The following PLXDC2 variants were observed in gnomAD, a reference collection of about 807,000 sequenced individuals.
The protein encoded by PLXDC2 is plexin domain containing 2.
PLXDC2 carries 40 observed loss-of-function variants against 68.9 expected under a neutral mutation model. The observed-to-expected ratio is 0.58, with a 90% CI of 0.45 to 0.76. The LOEUF (loss-of-function observed/expected upper bound fraction) is 0.76. PLXDC2 is among the 30% of genes least tolerant of loss of function. PLXDC2 has a pLI of 0.00. For missense variants in PLXDC2, 644 were observed against 661.9 expected (o/e 0.97, Z 0.30); for synonymous variants, 243 against 234.2 (o/e 1.04, Z -0.34).
chr10:20,052,722 C>CAAAAAAAAAAAA (rs59776582), intron 3 of PLXDC2, among the ~76,000 whole-genome samples: 2 of 92,800 alleles, frequency 2.2e-5, no homozygotes, highest in Non-Finnish European at 2.4e-5. Context: ...ACAAATTATG[C>CAAAAAAAAAAAA]AAAAAAAAAA....
At chr10:19,964,122 C>T (rs1834207783) in intron 1 of PLXDC2, among the ~76,000 whole-genome samples, 1 of 152,146 alleles carries the variant, frequency 6.6e-6, no homozygotes, top group South Asian at 2.1e-4. Context: ...AGAAAAAGCC[C>T]CTGATTTGTA....
intron 1 of PLXDC2, among the ~76,000 whole-genome samples, chr10:19,887,000 GTAT>G (rs1837858853): frequency 6.6e-6 from 1 of 152,156 alleles, no homozygotes; most frequent in Non-Finnish European, 1.5e-5. Flanking sequence ...TAGTGTCTCA[GTAT>G]TATTATGAAA....
intron 9 of PLXDC2, among the ~76,000 whole-genome samples, chr10:20,194,510 C>G (rs375524088): frequency 6.6e-6 from 1 of 152,078 alleles, no homozygotes; most frequent in East Asian, 1.9e-4. Context: ...TAGATTACCA[C>G]ATATTTATTA....
chr10:20,270,259 A>C lies in PLXDC2; in HGVS notation c.1474-9444A>C, dbSNP rs2119379055. 2.0e-5 allele frequency among the ~76,000 whole-genome samples: 3 copies of C among 152,200 alleles called. No individual in the cohort carries two copies. The Middle Eastern group carries it at 0.01, about 518-fold the overall frequency. On this transcript the variant is annotated intron_variant, in intron 13 of 13. Coordinates refer to ENST00000377252, the MANE Select transcript of PLXDC2 (RefSeq NM_032812.9). ...GTGAAGGAAGAGGGTAGAATTTAGCAATCTTTGTTTGCGTAAAGGTTTATA... is the reference window on the plus strand; with the variant it reads ...GTGAAGGAAGAGGGTAGAATTTAGCCATCTTTGTTTGCGTAAAGGTTTATA...
chr10:20,040,697 C>T (rs1412274264), intron 2 of PLXDC2, among the ~76,000 whole-genome samples: 1 of 152,068 alleles, frequency 6.6e-6, no homozygotes. Context: ...CTATCCCCTC[C>T]CTCACCTTTC....
chr10:20,126,914 T>G (rs940372482), intron 4 of PLXDC2, among the ~76,000 whole-genome samples: 1 of 148,104 alleles, frequency 6.8e-6, no homozygotes, highest in African/African-American at 2.5e-5. Flanking sequence ...TATATGTATA[T>G]ATTATGTATG....
At chr10:19,855,257 A>G (rs1837191144) in intron 1 of PLXDC2, among the ~76,000 whole-genome samples, 1 of 151,666 alleles carries the variant, frequency 6.6e-6, no homozygotes. Context: ...CTGTGTTAAT[A>G]TATCAGAGGT....
At chr10:20,232,599 T>G (rs1835379782) in intron 12 of PLXDC2, among the ~76,000 whole-genome samples, 1 of 152,160 alleles carries the variant, frequency 6.6e-6, no homozygotes, top group African/African-American at 2.4e-5. Flanking sequence ...CCTAAAACAT[T>G]GTTAAGCAAA....
intron 2 of PLXDC2, among the ~76,000 whole-genome samples, chr10:20,002,492 T>C (rs112086003): frequency 1.3e-5 from 2 of 152,202 alleles, no homozygotes; most frequent in African/African-American, 4.8e-5. Context: ...CTCCTGACCT[T>C]AAGTGATCCA....
intron 13 of PLXDC2, among the ~76,000 whole-genome samples, chr10:20,278,771 A>G (rs914557387): frequency 6.6e-6 from 1 of 152,210 alleles, no homozygotes; most frequent in Non-Finnish European, 1.5e-5. Flanking sequence ...CCTGTTTTAC[A>G]TTAGAATTCT....
chr10:19,872,782 A>G (rs988286472), intron 1 of PLXDC2, among the ~76,000 whole-genome samples: 5 of 152,056 alleles, frequency 3.3e-5, no homozygotes. Flanking sequence ...GAGGGCTATG[A>G]TCATGGGACA....
intron 2 of PLXDC2, among the ~76,000 whole-genome samples, chr10:20,017,098 G>A (rs1455949477): frequency 1.3e-5 from 2 of 152,154 alleles, no homozygotes; most frequent in Non-Finnish European, 2.9e-5. Flanking sequence ...GGCAGAGAGA[G>A]ATAAATAGAG....
At chr10:20,106,285 G>A (rs1833490294) in intron 4 of PLXDC2, among the ~76,000 whole-genome samples, 1 of 152,202 alleles carries the variant, frequency 6.6e-6, no homozygotes. Flanking sequence ...CTCCAAGTAG[G>A]CAGAGCCACT....
At position 19,834,354 on chromosome 10, in the gene PLXDC2, A is replaced by AGAGAGAGT. The variant is rs376125037; in HGVS notation, c.112+17164_112+17165insAGAGAGTG. Among the ~76,000 whole-genome samples the AGAGAGAGT allele has an allele frequency of 1.9e-3, 285 of 147,774 alleles. 1 individual carries two copies. Among genetic ancestry groups the AGAGAGAGT allele is most frequent in the Admixed American group, 3.2e-3 (47 of 14,820 alleles). On this transcript the variant is annotated intron_variant, in intron 1 of 13. Transcript: ENST00000377252. Reference sequence around the variant, plus strand: ...TAGAGAGAGAGAGAGAGAGAGAGAGAGTGTGTGTGTGTCTGTGTGTGTCTG... The same window carrying AGAGAGAGT: ...TAGAGAGAGAGAGAGAGAGAGAGAGAGAGAGAGTGTGTGTGTGTGTCTGTGTGTGTCTG...
rs1834967315 is a variant in PLXDC2 at position 20,204,729 on chromosome 10, C to T, written c.1062-6940C>T. ...AAAGTTTGACTGGCACACAGCCACACCCAATGTGTTTACACATTTATCTGT... is the reference window on the plus strand; with the variant it reads ...AAAGTTTGACTGGCACACAGCCACATCCAATGTGTTTACACATTTATCTGT... On this transcript the variant is annotated intron_variant, in intron 9 of 13. Coordinates refer to ENST00000377252, the MANE Select transcript of PLXDC2 (RefSeq NM_032812.9). Among the ~76,000 whole-genome samples the T allele has an allele frequency of 2.0e-5, 3 of 152,170 alleles. 1 individual carries two copies. The highest frequency in any genetic ancestry group is 2.0e-4 in the Admixed American group (3 of 15,270).
intron 1 of PLXDC2, among the ~76,000 whole-genome samples, chr10:19,924,533 T>C (rs1833508245): frequency 6.6e-6 from 1 of 152,228 alleles, no homozygotes; most frequent in South Asian, 2.1e-4. Context: ...TAAATGTCCT[T>C]ATGTATTCAC....
chr10:20,221,262 A>G (rs972998226), intron 12 of PLXDC2, among the ~76,000 whole-genome samples: 3 of 151,992 alleles, frequency 2.0e-5, no homozygotes, highest in Non-Finnish European at 4.4e-5. Context: ...TGTTTGAGCC[A>G]TCAAAGAATC....
intron 1 of PLXDC2, among the ~76,000 whole-genome samples, chr10:19,907,926 C>T (rs1217047643): frequency 6.6e-6 from 1 of 152,284 alleles, no homozygotes; most frequent in African/African-American, 2.4e-5. Context: ...TTTTCAGACC[C>T]TCACTGGTAC....
At chr10:20,109,897 A>C (rs1833536651) in intron 4 of PLXDC2, among the ~76,000 whole-genome samples, 2 of 152,226 alleles carry the variant, frequency 1.3e-5, no homozygotes, top group African/African-American at 4.8e-5. Context: ...AAACGGAGGA[A>C]TAAATGAAAT....
Sources: allele counts gnomAD v4.1 joint callset (sites outside exome capture counted in the v4.1 genomes callset), GRCh38; gene constraint gnomAD v4.1.1; transcripts MANE v1.5; gene names NCBI Gene and HGNC (gene_info 2026-07-23, HGNC 2026-07-21).